The following IDH3A variants were observed in gnomAD, a reference collection of about 807,000 sequenced individuals.
IDH3A encodes isocitrate dehydrogenase (NAD(+)) 3 catalytic subunit alpha, also known as isocitrate dehydrogenase [NAD] subunit alpha, mitochondrial.
A neutral mutation model predicts 43.3 loss-of-function variants in IDH3A; 23 were observed. The observed-to-expected ratio is 0.53, with a 90% CI of 0.38 to 0.75. The LOEUF (loss-of-function observed/expected upper bound fraction) is 0.75. IDH3A is among the 30% of genes least tolerant of loss of function. IDH3A has a pLI of 0.00. For synonymous variants in IDH3A, 154 were observed against 163.5 expected (o/e 0.94, Z 0.44); for missense variants, 329 against 474.4 (o/e 0.69, Z 2.85).
At position 78,171,070 on chromosome 15, in the gene IDH3A, C is replaced by CATCT; in HGVS notation, c.*2066_*2069dup. 6.0e-6 allele frequency: 1 copy of CATCT among 166,184 alleles called. No individual in the cohort carries two copies. The highest frequency in any genetic ancestry group is 1.3e-5 in the Non-Finnish European group (1 of 76,464). 10.3% of individuals were successfully genotyped at this position (166,184 alleles called of 1,614,324 possible). On this transcript the variant is annotated 3_prime_UTR_variant, in exon 11 of 11. Coordinates refer to ENST00000299518, the MANE Select transcript of IDH3A (RefSeq NM_005530.3). ...TGCAGCGCACGTGAGCAGTATCAGC[C>CATCT]ATCTCTCTCCTACCCGCTCCACAGC...
At chr15:78,155,466 T>C (rs2074616283) in intron 2 of IDH3A, 191 bp downstream of exon 2, 1 of 456,882 alleles carries the variant, frequency 2.2e-6, no homozygotes, top group Non-Finnish European at 3.9e-6. Flanking sequence ...TTTGAAAGAA[T>C]TATCTTACAG....
At chr15:78,153,829 G>A (rs2141940579) in intron 1 of IDH3A, among the ~76,000 whole-genome samples, 1 of 152,220 alleles carries the variant, frequency 6.6e-6, no homozygotes, top group South Asian at 2.1e-4. Flanking sequence ...GACCAGCCGG[G>A]CCAACATGGA....
rs543642336 is a variant in IDH3A, at chr15:78,162,272, C to T, written c.516C>T (p.Thr172=). ...TCGTGCAGAGTATCAAGCTCATCAC[C>T]GAGGGGGCGAGCAAGCGCATTGCTG... ...DGVVQSIKLI[T]EGASKRIAEF... is the part of the protein sequence containing the mutation. Residue 172 remains threonine, a synonymous_variant, in exon 6 of 11, where the codon ACC becomes ACT. Coordinates refer to ENST00000299518, the MANE Select transcript of IDH3A (RefSeq NM_005530.3). 23 of 1,614,174 alleles carry T rather than the reference C, an allele frequency of 1.4e-5. No homozygotes were observed. In the South Asian group the frequency reaches 2.2e-4, roughly 15 times the overall value.
intron 10 of IDH3A, 49 bp from the exon 11 acceptor site, chr15:78,168,873 A>G (rs533217194): frequency 4.1e-6 from 5 of 1,212,762 alleles, no homozygotes; most frequent in Non-Finnish European, 2.4e-6. Context: ...TCCTTGGTTT[A>G]GTTTAGTTTG....
In IDH3A at chr15:78,149,372, C is replaced by T. The variant is rs1359857107; in HGVS notation, c.-32C>T. On this transcript the variant is annotated 5_prime_UTR_variant, in exon 1 of 11. Coordinates refer to ENST00000299518, the MANE Select transcript of IDH3A (RefSeq NM_005530.3). ...GGTGGGCGCTTGCGCACTGCCGCTG[C>T]GGCTGTTGCTGCGGAGCCAGGAGGG... The T allele has an allele frequency of 4.6e-6, 7 of 1,526,150 alleles. No individual in the cohort carries two copies. The highest frequency in any genetic ancestry group is 5.2e-6 in the Non-Finnish European group (6 of 1,143,604). The allele number at this position is 1,526,150 out of a possible 1,614,324, so 94.5% of individuals were successfully genotyped here. A position where few individuals can be genotyped will look rare whatever the true frequency, so the allele number is the denominator to read the frequency against.
At chr15:78,167,647 C>T (rs545540512) in intron 10 of IDH3A, 1 of 152,316 alleles carries the variant, frequency 6.6e-6, no homozygotes, top group East Asian at 1.9e-4. Context: ...ACTCTGCACC[C>T]GTTAAACAGT....
At chr15:78,151,400 AC>A (rs2074573608) in intron 1 of IDH3A, 1 of 151,574 alleles carries the variant, frequency 6.6e-6, no homozygotes, top group South Asian at 2.1e-4. Flanking sequence ...ACATGGCGAA[AC>A]CCCATCTCTA....
intron 8 of IDH3A, 115 bp from the exon 9 acceptor site, chr15:78,164,877 T>G (rs2074722154): frequency 1.3e-6 from 1 of 770,068 alleles, no homozygotes; most frequent in South Asian, 1.5e-5. Context: ...CAGCCATTTA[T>G]CCAAGGAATG....
chr15:78,167,677 C>G (rs2074762601), intron 10 of IDH3A: 1 of 152,340 alleles, frequency 6.6e-6, no homozygotes, highest in East Asian at 1.9e-4. Context: ...TTCCCCCTCC[C>G]ATCCTCTGAC....
chr15:78,168,918 T>C lies in IDH3A; in HGVS notation c.1018-4T>C. On this transcript the variant is annotated splice_polypyrimidine_tract_variant and splice_region_variant and intron_variant, in intron 10 of 10. Transcript: ENST00000299518. The stretch of plus-strand genomic sequence containing the variant: ...CTTTTATTTTTGCTTTTTCCTTTTC[T>C]CAGAGCTTGACAAAAGATTTGGGAG... 6.3e-7 allele frequency: 1 copy of C among 1,585,588 alleles called. No homozygotes were observed. The highest frequency in any genetic ancestry group is 2.3e-5 in the East Asian group (1 of 44,444).
At chr15:78,157,860 C>T (rs1041940048) in intron 3 of IDH3A, among the ~76,000 whole-genome samples, 18 of 150,420 alleles carry the variant, frequency 1.2e-4, no homozygotes, top group African/African-American at 3.4e-4. Context: ...GATGAGGTCT[C>T]GCTCTATTCC....
At chr15:78,167,383 C>A (rs914350379) in intron 10 of IDH3A, 1 of 152,162 alleles carries the variant, frequency 6.6e-6, no homozygotes, top group Non-Finnish European at 1.5e-5. Context: ...CAAGCTCCAC[C>A]GCCTCGGTAA....
chr15:78,162,260 C>G lies in IDH3A; in HGVS notation c.504C>G (p.Ile168Met). Residue 168 changes from isoleucine (I) to methionine (M), a missense_variant, in exon 6 of 11, where the codon ATC becomes ATG. By Grantham distance (10) the Ile-to-Met change is conservative. Around this residue, in one of 3 missense-constraint regions of IDH3A, gnomAD observed 212 missense variants for 345.5 expected, o/e 0.61. Transcript: ENST00000299518. ...TTGTTGATGGAGTCGTGCAGAGTATCAAGCTCATCACCGAGGGGGCGAGCA... is the reference window on the plus strand; with the variant it reads ...TTGTTGATGGAGTCGTGCAGAGTATGAAGCTCATCACCGAGGGGGCGAGCA... ...HVIVDGVVQS[I>M]KLITEGASKR... is the part of the protein sequence containing the mutation. The G allele has an allele frequency of 1.2e-6, 2 of 1,614,184 alleles. No individual in the cohort carries two copies. Among genetic ancestry groups the G allele is most frequent in the Non-Finnish European group, 1.7e-6 (2 of 1,180,026 alleles).
rs1052365169 is a variant in IDH3A, at chr15:78,149,493, G to A, written c.27+63G>A. On this transcript the variant is annotated intron_variant, in intron 1 of 10. Transcript: ENST00000299518. ...GCCGCGAGGGCTGGCAGGAGAGCCG[G>A]TCGCGTGCCGGGTGTGGGCGGGCGC... 4 of 1,429,348 alleles carry A rather than the reference G, an allele frequency of 2.8e-6. No homozygotes were observed. In the African/African-American group the frequency reaches 5.9e-5, roughly 21 times the overall value. The allele number at this position is 1,429,348 out of a possible 1,614,324, so 88.5% of individuals were successfully genotyped here. A position where few individuals can be genotyped will look rare whatever the true frequency, so the allele number is the denominator to read the frequency against.
At chr15:78,165,417 C>T (rs1318876562) in intron 9 of IDH3A, among the ~76,000 whole-genome samples, 1 of 152,062 alleles carries the variant, frequency 6.6e-6, no homozygotes, top group African/African-American at 2.4e-5. Context: ...TCTTGAACTC[C>T]TGATCTCAGA....
intron 4 of IDH3A, among the ~76,000 whole-genome samples, chr15:78,160,567 C>G (rs1281950558): frequency 6.6e-6 from 1 of 152,004 alleles, no homozygotes; most frequent in African/African-American, 2.4e-5. Flanking sequence ...TCACAGCTCA[C>G]TGCAGCCTTG....
Position 78,162,380 on chromosome 15 carries a change from C to G in IDH3A, c.611+13C>G. ...AAGCCAACATCATGTGAGCTCCTTG[C>G]GGGGGCCGGCACCCCATCTTGCTTT... On this transcript the variant is annotated intron_variant, in intron 6 of 10. Coordinates refer to ENST00000299518, the MANE Select transcript of IDH3A (RefSeq NM_005530.3). 2 of 1,612,158 alleles carry G rather than the reference C, an allele frequency of 1.2e-6. No homozygotes were observed. Among genetic ancestry groups the G allele is most frequent in the Non-Finnish European group, 1.7e-6 (2 of 1,178,828 alleles).
chr15:78,157,415 T>C lies in IDH3A; in HGVS notation c.91-133T>C, dbSNP rs557634384. Reference sequence around the variant, plus strand: ...CCCTTTGATGACCCCCGGGGAGGTATGTTTGTTTTCTTAACAGCATTTGAA... The same window carrying C: ...CCCTTTGATGACCCCCGGGGAGGTACGTTTGTTTTCTTAACAGCATTTGAA... On this transcript the variant is annotated intron_variant, in intron 2 of 10. Coordinates refer to ENST00000299518, the MANE Select transcript of IDH3A (RefSeq NM_005530.3). 53 of 671,830 alleles carry C rather than the reference T, an allele frequency of 7.9e-5. 1 individual carries two copies. The Admixed American group carries it at 1.5e-3, about 19-fold the overall frequency. 41.6% of individuals were successfully genotyped at this position (671,830 alleles called of 1,614,324 possible). A position where few individuals can be genotyped will look rare whatever the true frequency, so the allele number is the denominator to read the frequency against.
chr15:78,163,348 A>G, intron 6 of IDH3A, 159 bp from the exon 7 acceptor site: 1 of 575,386 alleles, frequency 1.7e-6, no homozygotes, highest in Non-Finnish European at 3.1e-6. Flanking sequence ...TTTTCAGCTT[A>G]TATTTTATTA....
Sources: allele counts gnomAD v4.1 joint callset (sites outside exome capture counted in the v4.1 genomes callset), GRCh38; gene constraint gnomAD v4.1.1; regional missense constraint gnomAD v4.1.1; transcripts MANE v1.5; gene names NCBI Gene and HGNC (gene_info 2026-07-23, HGNC 2026-07-21).